Variants in AP2B1 observed in about 807,000 individuals in gnomAD.
AP2B1 encodes the protein AP-2 complex subunit beta.
In AP2B1, 23 loss-of-function variants were observed where a neutral mutation model predicts 102.0. The observed-to-expected ratio is 0.23, with a 90% CI of 0.16 to 0.32. AP2B1 has a LOEUF of 0.32. Ranked by LOEUF, AP2B1 falls within the 10% of genes least tolerant of loss-of-function variation. The pLI is 1.00. For synonymous variants in AP2B1, 381 were observed against 421.2 expected (o/e 0.90, Z 1.17); for missense variants, 541 against 1,157.4 (o/e 0.47, Z 7.73).
intron 21 of AP2B1, among the ~76,000 whole-genome samples, chr17:35,719,805 G>A (rs2085301489): frequency 6.6e-6 from 1 of 152,156 alleles, no homozygotes; most frequent in South Asian, 2.1e-4. Context: ...AGACCAGCCT[G>A]GTCAACATAG....
intron 14 of AP2B1, among the ~76,000 whole-genome samples, chr17:35,668,773 A>G (rs981370366): frequency 2.0e-5 from 3 of 152,030 alleles, no homozygotes; most frequent in African/African-American, 7.2e-5. Context: ...TGCTTTTTAT[A>G]ATTCCACCCT....
At chr17:35,649,920 C>T (rs1394314103) in intron 12 of AP2B1, among the ~76,000 whole-genome samples, 1 of 151,994 alleles carries the variant, frequency 6.6e-6, no homozygotes, top group Non-Finnish European at 1.5e-5. Flanking sequence ...TGCGGCTCTA[C>T]ACCCCGCCCT....
At chr17:35,647,438 A>T (rs2074965479) in intron 12 of AP2B1, among the ~76,000 whole-genome samples, 4 of 152,086 alleles carry the variant, frequency 2.6e-5, no homozygotes, top group South Asian at 4.1e-4. Flanking sequence ...AGATATAATT[A>T]TCACTGTTTC....
In AP2B1 at chr17:35,703,213, C is replaced by T. The variant is rs587599743; in HGVS notation, c.2455-6011C>T. ...CTGGGAGGCGGAGCTTGCAGTGAGC[C>T]GAGATTGCGCCACTGCACTCCAGCC... On this transcript the variant is annotated intron_variant, in intron 18 of 21. Coordinates refer to ENST00000610402, the MANE Select transcript of AP2B1 (RefSeq NM_001030006.2). 1.2e-4 allele frequency among the ~76,000 whole-genome samples: 16 copies of T among 137,278 alleles called. No individual in the cohort carries two copies. In the East Asian group the frequency reaches 2.4e-3, roughly 20 times the overall value. 90.1% of individuals were successfully genotyped at this position (137,278 alleles called of 152,430 possible). A position where few individuals can be genotyped will look rare whatever the true frequency, so the allele number is the denominator to read the frequency against.
chr17:35,627,544 C>T, intron 8 of AP2B1, 39 bp downstream of exon 8: 1 of 1,613,502 alleles, frequency 6.2e-7, no homozygotes, highest in Non-Finnish European at 8.5e-7. Context: ...GATGATTTAG[C>T]TCTTAAGGTC....
In AP2B1 at chr17:35,678,522, G is replaced by T. The variant is rs192292398; in HGVS notation, c.2325-4173G>T. On this transcript the variant is annotated intron_variant, in intron 17 of 21. Transcript: ENST00000610402. ...TAGCCATAGGTTTTTCGTGGAGCTT[G>T]AGGAAGTTTCATTCTGTTCCTGGTT... Among the ~76,000 whole-genome samples, 937 of 152,286 alleles carry T rather than the reference G, an allele frequency of 6.2e-3. 7 individuals carry two copies. The highest frequency in any genetic ancestry group is 8.2e-3 in the Non-Finnish European group (559 of 68,016).
At chr17:35,670,458 C>T (rs1351041162) in intron 14 of AP2B1, among the ~76,000 whole-genome samples, 1 of 148,598 alleles carries the variant, frequency 6.7e-6, no homozygotes, top group Non-Finnish European at 1.5e-5. Context: ...TTTCCGTCCG[C>T]CCCCCACTAT....
chr17:35,632,913 A>C (rs1381866678), intron 9 of AP2B1, among the ~76,000 whole-genome samples: 1 of 151,614 alleles, frequency 6.6e-6, no homozygotes, highest in Non-Finnish European at 1.5e-5. Flanking sequence ...ATACTACATA[A>C]TTTATTAATA....
At chr17:35,633,084 C>T (rs532917215) in intron 9 of AP2B1, among the ~76,000 whole-genome samples, 8 of 152,026 alleles carry the variant, frequency 5.3e-5, no homozygotes, top group South Asian at 4.2e-4. Flanking sequence ...CAGAATCGGC[C>T]GGGCGCGGTG....
intron 10 of AP2B1, among the ~76,000 whole-genome samples, chr17:35,636,943 A>G (rs1057124964): frequency 1.6e-4 from 25 of 152,360 alleles, no homozygotes; most frequent in Non-Finnish European, 1.6e-4. Context: ...GGAGAATTAC[A>G]GAACATGTAA....
intron 18 of AP2B1, among the ~76,000 whole-genome samples, chr17:35,696,548 C>T (rs1378191974): frequency 4.6e-5 from 7 of 151,696 alleles, no homozygotes; most frequent in Admixed American, 3.3e-4. Context: ...CCACCACACC[C>T]GGCTAATTTT....
Position 35,726,293 on chromosome 17 carries a change from A to C in AP2B1, c.*2594A>C, listed in dbSNP as rs1555595326. On this transcript the variant is annotated 3_prime_UTR_variant, in exon 22 of 22. Transcript: ENST00000610402. ...AGAAATGGGGAGGGGGGGCAGGGGAAATGTTGCCCTAAGAATGCTTCTCAT... is the reference window on the plus strand; with the variant it reads ...AGAAATGGGGAGGGGGGGCAGGGGACATGTTGCCCTAAGAATGCTTCTCAT... 1 of 150,650 alleles carries C rather than the reference A, an allele frequency of 6.6e-6. No homozygotes were observed. 9.3% of individuals were successfully genotyped at this position (150,650 alleles called of 1,614,324 possible). A position where few individuals can be genotyped will look rare whatever the true frequency, so the allele number is the denominator to read the frequency against.
chr17:35,635,149 G>C (rs61410076), intron 9 of AP2B1, among the ~76,000 whole-genome samples: 2,280 of 152,268 alleles, frequency 0.015, 59 homozygotes, highest in African/African-American at 0.053. Flanking sequence ...TGTCTCCCGG[G>C]CTCAAGCAAT....
rs901481655 is a variant in AP2B1 at position 35,596,807 on chromosome 17, C to A, written c.38-1423C>A. ...CTAGCGTCAGCTGCATGGGCCCCCG[C>A]AGCGCTGCCAGGCCCCGCAGGCGCT... On this transcript the variant is annotated intron_variant, in intron 2 of 21. Coordinates refer to ENST00000610402, the MANE Select transcript of AP2B1 (RefSeq NM_001030006.2). 5.2e-4 allele frequency: 332 copies of A among 636,110 alleles called. 3 individuals are homozygous for A. Among genetic ancestry groups the A allele is most frequent in the Middle Eastern group, 2.6e-3 (7 of 2,652 alleles). The allele number at this position is 636,110 out of a possible 1,614,324, so 39.4% of individuals were successfully genotyped here.
chr17:35,675,141 A>T (rs907809029), intron 17 of AP2B1, among the ~76,000 whole-genome samples: 5 of 152,360 alleles, frequency 3.3e-5, no homozygotes, highest in Admixed American at 2.0e-4. Context: ...TGCCTTAATA[A>T]GGAAGAGAGC....
chr17:35,594,287 T>A lies in AP2B1; in HGVS notation c.37+220T>A, dbSNP rs111657602. ...ATGCACATTATTATGACTTGAAGGT[T>A]CTGTTTAGTGAAAGAGACTCCTCTT... On this transcript the variant is annotated intron_variant, in intron 2 of 21. Transcript: ENST00000610402. Among the ~76,000 whole-genome samples, 615 of 152,308 alleles carry A rather than the reference T, an allele frequency of 4.0e-3. 6 individuals are homozygous for A. Among genetic ancestry groups the A allele is most frequent in the African/African-American group, 0.014 (585 of 41,552 alleles).
chr17:35,717,990 T>C (rs1256303951), intron 21 of AP2B1, among the ~76,000 whole-genome samples: 1 of 152,244 alleles, frequency 6.6e-6, no homozygotes, highest in Non-Finnish European at 1.5e-5. Context: ...ATTTGTTTGC[T>C]GTTGTAAAAT....
chr17:35,649,765 A>G (rs572794803), intron 12 of AP2B1, among the ~76,000 whole-genome samples: 2 of 152,126 alleles, frequency 1.3e-5, no homozygotes, highest in African/African-American at 4.8e-5. Context: ...GAGTTAACAC[A>G]TTTGTTTGCT....
chr17:35,718,979 A>T (rs1385830585), intron 21 of AP2B1, among the ~76,000 whole-genome samples: 2 of 152,160 alleles, frequency 1.3e-5, no homozygotes, highest in African/African-American at 4.8e-5. Flanking sequence ...CACTCTTCTT[A>T]CACAATATTC....
Sources: gnomAD v4.1 joint callset for allele counts (sites outside exome capture counted in the v4.1 genomes callset) on GRCh38, gnomAD v4.1.1 for gene constraint, MANE v1.5 for transcripts, NCBI Gene and HGNC (gene_info 2026-07-23, HGNC 2026-07-21) for gene names.